The following ALDH1A3 variants were observed in gnomAD, a reference collection of about 807,000 sequenced individuals.
ALDH1A3 encodes the protein aldehyde dehydrogenase 1 family member A3.
Under a neutral mutation model 57.5 loss-of-function variants are expected in ALDH1A3, and 28 were observed. The ratio of observed to expected loss-of-function variants is 0.49; its 90% confidence interval spans 0.36 to 0.67. The LOEUF is 0.67. ALDH1A3 is among the 30% of genes least tolerant of loss of function. The probability of loss-of-function intolerance (pLI) is 0.00; values close to 1 mark genes in which losing one functional copy is unlikely to be tolerated. For missense variants in ALDH1A3, 507 were observed against 669.4 expected, an observed-to-expected ratio of 0.76 and a Z score of 2.68; for synonymous variants, 281 against 264.8, an observed-to-expected ratio of 1.06 and a Z score of -0.59.
At position 100,905,582 on chromosome 15, in the gene ALDH1A3, G is replaced by C; in HGVS notation, c.1128G>C (p.Gly376=). 1 of 1,614,096 alleles carries C rather than the reference G, an allele frequency of 6.2e-7. No homozygotes were observed. Among genetic ancestry groups the C allele is most frequent in the Non-Finnish European group, 8.5e-7 (1 of 1,179,992 alleles). The change falls in exon 10 of 13, where the codon GGG becomes GGC. Residue 376 remains glycine, a synonymous_variant. Transcript: ENST00000329841. The part of the protein sequence containing the change: ...LELIESGKKE[G]AKLECGGSAM... ...TGATCGAGAGTGGGAAGAAGGAAGGGGCCAAGCTGGAATGCGGGGGCTCAG... is the reference window on the plus strand; with the variant it reads ...TGATCGAGAGTGGGAAGAAGGAAGGCGCCAAGCTGGAATGCGGGGGCTCAG...
At chr15:100,880,377 C>G (rs2041535717) in intron 1 of ALDH1A3, 3 of 372,366 alleles carry the variant, frequency 8.1e-6, no homozygotes, top group Non-Finnish European at 4.8e-6. Context: ...GAGCTCCCTC[C>G]CCAAAAACCC....
At chr15:100,908,613 G>A in intron 12 of ALDH1A3, 131 bp downstream of exon 12, 2 of 810,670 alleles carry the variant, frequency 2.5e-6, no homozygotes, top group Non-Finnish European at 4.0e-6. Flanking sequence ...TGGGCCAGCT[G>A]TGTCCCTCTA....
chr15:100,887,567 C>T lies in ALDH1A3; in HGVS notation c.205-5C>T, dbSNP rs1220464645. On this transcript the variant is annotated splice_region_variant and splice_polypyrimidine_tract_variant and intron_variant, in intron 2 of 12. Coordinates refer to ENST00000329841, the MANE Select transcript of ALDH1A3 (RefSeq NM_000693.4). This position sits in a 1 kb window ranked among gnomAD's most constrained non-coding sequence, Gnocchi z 4.6. The stretch of plus-strand genomic sequence containing the variant: ...CAGTCTCTCTCTGTTGTTCTGGTCG[C>T]TCAGCCCGACGTGGACAAGGCTGTG... The T allele has an allele frequency of 3.8e-6, 6 of 1,577,914 alleles. No individual in the cohort carries two copies. Among genetic ancestry groups the T allele is most frequent in the Non-Finnish European group, 5.2e-6 (6 of 1,159,844 alleles).
intron 12 of ALDH1A3, among the ~76,000 whole-genome samples, 158 bp downstream of exon 12, chr15:100,908,640 A>G (rs1188518234): frequency 6.6e-6 from 1 of 151,920 alleles, no homozygotes; most frequent in Non-Finnish European, 1.5e-5. Context: ...GTGGGGACCC[A>G]TCCCTTCCTC....
chr15:100,888,066 T>C (rs555523590), intron 3 of ALDH1A3, among the ~76,000 whole-genome samples: 1 of 152,314 alleles, frequency 6.6e-6, no homozygotes, highest in East Asian at 1.9e-4. Flanking sequence ...CTTAACTTTT[T>C]TCTTTTTTGT....
Position 100,883,926 on chromosome 15 carries a change from C to A in ALDH1A3, c.100-1341C>A, listed in dbSNP as rs149195059. Among the ~76,000 whole-genome samples the A allele has an allele frequency of 6.9e-3, 1,057 of 152,278 alleles. 16 individuals carry two copies. The highest frequency in any genetic ancestry group is 0.024 in the African/African-American group (1,003 of 41,550). ...TCAATTTCACAATAATTGAAATTAG[C>A]CCTTGAGGGACGCAATTCTTCCTTT... is the stretch of plus-strand genomic sequence containing the variant. On this transcript the variant is annotated intron_variant, in intron 1 of 12. Coordinates refer to ENST00000329841, the MANE Select transcript of ALDH1A3 (RefSeq NM_000693.4).
In ALDH1A3 at chr15:100,915,032, C is replaced by A; in HGVS notation, c.*259C>A. 1 of 489,280 alleles carries A rather than the reference C, an allele frequency of 2.0e-6. No individual in the cohort carries two copies. Among genetic ancestry groups the A allele is most frequent in the Admixed American group, 3.3e-5 (1 of 30,434 alleles). 30.3% of individuals were successfully genotyped at this position (489,280 alleles called of 1,614,324 possible). A position where few individuals can be genotyped will look rare whatever the true frequency, so the allele number is the denominator to read the frequency against. On this transcript the variant is annotated 3_prime_UTR_variant, in exon 13 of 13. Transcript: ENST00000329841. Reference sequence around the variant, plus strand: ...GGCCATTTCTGTGTTTCCCTTTAAACCAGATCCTGGAGACAGTGAGATACT... The same window carrying A: ...GGCCATTTCTGTGTTTCCCTTTAAAACAGATCCTGGAGACAGTGAGATACT...
chr15:100,880,303 G>C, intron 1 of ALDH1A3: 1 of 377,010 alleles, frequency 2.7e-6, no homozygotes, highest in Non-Finnish European at 4.7e-6. Context: ...GTGTCCCTGC[G>C]CTGCCCGCTT....
chr15:100,898,301 G>A (rs904490966), intron 8 of ALDH1A3, 116 bp downstream of exon 8: 13 of 859,254 alleles, frequency 1.5e-5, no homozygotes, highest in Non-Finnish European at 2.3e-5. Flanking sequence ...CACACAGTGG[G>A]GACGCTTCCA....
At chr15:100,907,395 G>T in intron 11 of ALDH1A3, 117 bp downstream of exon 11, 1 of 1,181,216 alleles carries the variant, frequency 8.5e-7, no homozygotes, top group East Asian at 2.5e-5. Context: ...ACCAAGCCCT[G>T]TCTCAGTGCT....
chr15:100,896,078 G>T, intron 7 of ALDH1A3, 32 bp downstream of exon 7: 3 of 1,533,742 alleles, frequency 2.0e-6, no homozygotes, highest in Non-Finnish European at 2.7e-6. Context: ...TGGGGAAAGT[G>T]AAAGGGGCGT....
In ALDH1A3 at chr15:100,889,437, A is replaced by G. The variant is rs3902902; in HGVS notation, c.345+1725A>G. ...CCAGTCCACATGTTCCCCGGGTGAG[A>G]GTAGCTCCCTCCCAGGGTAAGCGCT... On this transcript the variant is annotated intron_variant, in intron 3 of 12. Transcript: ENST00000329841. This position sits in a 1 kb window ranked among gnomAD's most constrained non-coding sequence, Gnocchi z 5.1. Among the ~76,000 whole-genome samples the G allele has an allele frequency of 0.35, 53,922 of 151,936 alleles. 12,619 individuals carry two copies. The highest frequency in any genetic ancestry group is 0.68 in the East Asian group (3,518 of 5,156).
chr15:100,891,220 G>T (rs1375589674), intron 3 of ALDH1A3, among the ~76,000 whole-genome samples: 3 of 152,216 alleles, frequency 2.0e-5, no homozygotes, highest in Non-Finnish European at 4.4e-5. Flanking sequence ...GGCCCTGTGA[G>T]GTAGGAACCG....
chr15:100,879,986 C>A lies in ALDH1A3; in HGVS notation c.79C>A (p.Leu27Met). The change falls in exon 1 of 13, where the codon CTG (leucine) becomes ATG (methionine). Residue 27 changes from leucine to methionine, a missense_variant. This residue lies in a region of ALDH1A3 where 75 missense variants were observed against 61.0 expected (regional missense o/e 1.23). Transcript: ENST00000329841. ...PPALPRPIRN[L>M]EVKFTKIFIN... is the part of the protein sequence containing the mutation. ...GGCCCTGCCGCGCCCCATCCGCAAC[C>A]TGGAGGTCAAGTTCACCAAGGTGAG... 6.8e-7 allele frequency: 1 copy of A among 1,474,028 alleles called. No individual in the cohort carries two copies. The highest frequency in any genetic ancestry group is 9.0e-7 in the Non-Finnish European group (1 of 1,110,512). The allele number at this position is 1,474,028 out of a possible 1,614,324, so 91.3% of individuals were successfully genotyped here.
At chr15:100,886,126 G>A (rs1384396200) in intron 2 of ALDH1A3, among the ~76,000 whole-genome samples, 1 of 152,234 alleles carries the variant, frequency 6.6e-6, no homozygotes, top group East Asian at 1.9e-4. Flanking sequence ...ATGCAGTGAA[G>A]GGCGTGTGCA....
Position 100,907,183 on chromosome 15 carries a change from G to A in ALDH1A3, c.1296G>A (p.Ala432=), listed in dbSNP as rs546253245. Residue 432 remains alanine (A), a synonymous_variant, in exon 11 of 13, where the codon GCG becomes GCA. Coordinates refer to ENST00000329841, the MANE Select transcript of ALDH1A3 (RefSeq NM_000693.4). ...FKSIEEVIKR[A]NSTDYGLTAA... ...GTATCGAAGAAGTGATAAAAAGAGC[G>A]AATAGCACCGACTATGGACTCACAG... The A allele has an allele frequency of 1.1e-5, 17 of 1,614,120 alleles. No individual in the cohort carries two copies. Among genetic ancestry groups the A allele is most frequent in the South Asian group, 4.4e-5 (4 of 91,076 alleles).
intron 1 of ALDH1A3, among the ~76,000 whole-genome samples, chr15:100,884,715 A>T (rs1410513082): frequency 6.6e-6 from 1 of 152,162 alleles, no homozygotes; most frequent in Non-Finnish European, 1.5e-5. Flanking sequence ...GGGGAGGGAC[A>T]TGCTGATGTG....
At chr15:100,913,932 A>C (rs2041906491) in intron 12 of ALDH1A3, 1 of 152,256 alleles carries the variant, frequency 6.6e-6, no homozygotes, top group Non-Finnish European at 1.5e-5. Context: ...CAGCAGATCA[A>C]GCGCTTAGAA....
chr15:100,913,137 G>A (rs1596137262), intron 12 of ALDH1A3: 1 of 28,246 alleles, frequency 3.5e-5, no homozygotes, highest in Non-Finnish European at 7.7e-5. Flanking sequence ...CAGCCTGGGC[G>A]ACAGAGCGAG....
Sources: gnomAD v4.1 joint callset for allele counts (sites outside exome capture counted in the v4.1 genomes callset) on GRCh38, gnomAD v4.1.1 for gene constraint, gnomAD v4.1.1 regional missense constraint, Gnocchi (gnomAD v3.1) non-coding constraint, MANE v1.5 for transcripts, NCBI Gene and HGNC (gene_info 2026-07-23, HGNC 2026-07-21) for gene names.